TAFA2: variants seen among roughly 807,000 people sequenced by gnomAD.
TAFA2 encodes TAFA chemokine like family member 2.
A neutral mutation model predicts 18.8 loss-of-function variants in TAFA2; 7 were observed. The observed-to-expected ratio is 0.37, with a 90% CI of 0.21 to 0.70. The LOEUF (loss-of-function observed/expected upper bound fraction) is 0.70, where lower values mean the gene tolerates loss of function less well. Ranked by LOEUF, TAFA2 falls within the 30% of genes least tolerant of loss-of-function variation. The probability of loss-of-function intolerance (pLI) is 0.53; values close to 1 mark genes in which losing one functional copy is unlikely to be tolerated. For synonymous variants in TAFA2, 60 were observed against 54.2 expected, an observed-to-expected ratio of 1.11 and a Z score of -0.47; for missense variants, 122 against 158.1, an observed-to-expected ratio of 0.77 and a Z score of 1.23.
chr12:61,752,266 G>C (rs1387333207), intron 4 of TAFA2, among the ~76,000 whole-genome samples: 2 of 151,968 alleles, frequency 1.3e-5, no homozygotes, highest in African/African-American at 4.8e-5. Flanking sequence ...ATAAATAATA[G>C]CTTCCCCTTG....
chr12:61,726,248 T>G (rs1421501755), intron 4 of TAFA2, among the ~76,000 whole-genome samples: 2 of 151,872 alleles, frequency 1.3e-5, no homozygotes, highest in Non-Finnish European at 2.9e-5. Context: ...AATTTTAGGA[T>G]TTTTTTCTTC....
intron 2 of TAFA2, among the ~76,000 whole-genome samples, chr12:61,819,804 A>T (rs1281147629): frequency 1.3e-5 from 2 of 152,092 alleles, no homozygotes; most frequent in African/African-American, 4.8e-5. Context: ...GAATATGACA[A>T]ATGTCCTGGA....
At chr12:61,898,000 A>T (rs1875929117) in intron 1 of TAFA2, among the ~76,000 whole-genome samples, 1 of 152,252 alleles carries the variant, frequency 6.6e-6, no homozygotes, top group South Asian at 2.1e-4. Flanking sequence ...CAAATGGGAG[A>T]AATTGTCCAA....
At chr12:62,142,060 A>G (rs1262297843) in intron 1 of TAFA2, among the ~76,000 whole-genome samples, 1 of 152,178 alleles carries the variant, frequency 6.6e-6, no homozygotes, top group Non-Finnish European at 1.5e-5. Context: ...TTATGTTCAT[A>G]TGTGCTAGCT....
At chr12:61,772,761 C>T (rs1235814487) in intron 2 of TAFA2, among the ~76,000 whole-genome samples, 6 of 151,456 alleles carry the variant, frequency 4.0e-5, no homozygotes, top group Non-Finnish European at 5.9e-5. Flanking sequence ...TTATACTGAA[C>T]GGGGAAAAGT....
chr12:61,758,381 T>C (rs1295122018), intron 2 of TAFA2, among the ~76,000 whole-genome samples: 3 of 151,656 alleles, frequency 2.0e-5, no homozygotes, highest in East Asian at 3.9e-4. Flanking sequence ...GGAGAGAAAA[T>C]AGATCATTAA....
At chr12:62,234,791 C>A in intron 1 of TAFA2, 1 of 1,039,852 alleles carries the variant, frequency 9.6e-7, no homozygotes, top group Non-Finnish European at 1.5e-6. Flanking sequence ...TGGGATGCTC[C>A]GGTAGGAATG....
intron 1 of TAFA2, among the ~76,000 whole-genome samples, chr12:61,905,845 A>G (rs1329363484): frequency 6.6e-6 from 1 of 152,114 alleles, no homozygotes; most frequent in Non-Finnish European, 1.5e-5. Context: ...GCCTTTGACA[A>G]CTCTTGATTG....
chr12:61,986,404 T>A (rs1464181786), intron 1 of TAFA2, among the ~76,000 whole-genome samples: 3 of 151,862 alleles, frequency 2.0e-5, no homozygotes, highest in Non-Finnish European at 4.4e-5. Context: ...CCTCAAGTGA[T>A]CTGCCTGCCT....
At chr12:62,021,948 C>T in intron 1 of TAFA2, 2 of 714,326 alleles carry the variant, frequency 2.8e-6, no homozygotes, top group Admixed American at 3.5e-5. Flanking sequence ...CATGGCAGGC[C>T]CTCCTCACAG....
intron 2 of TAFA2, among the ~76,000 whole-genome samples, chr12:61,769,845 A>T (rs1209853518): frequency 6.6e-6 from 1 of 152,136 alleles, no homozygotes; most frequent in Non-Finnish European, 1.5e-5. Context: ...TAGCACCCCC[A>T]AAAGATCACA....
In TAFA2 at chr12:62,202,910, C is replaced by G. The variant is rs370967457; in HGVS notation, c.-130+55853G>C. Among the ~76,000 whole-genome samples, 5 of 147,434 alleles carry G rather than the reference C, an allele frequency of 3.4e-5. No individual in the cohort carries two copies. The East Asian group carries it at 8.4e-4, about 25-fold the overall frequency. Reference sequence around the variant, plus strand: ...TGGTGCAATCGCAGCTCACTGCAACCTCCACCCCCTGGCTCAAGTAATTCT... The same window carrying G: ...TGGTGCAATCGCAGCTCACTGCAACGTCCACCCCCTGGCTCAAGTAATTCT... On this transcript the variant is annotated intron_variant, in intron 1 of 5. Coordinates refer to the TAFA2 transcript ENST00000551619.
At chr12:61,909,583 T>C (rs1876513452) in intron 1 of TAFA2, among the ~76,000 whole-genome samples, 1 of 151,622 alleles carries the variant, frequency 6.6e-6, no homozygotes, top group Non-Finnish European at 1.5e-5. Flanking sequence ...GCTAGGAGAG[T>C]GTAAGGATAA....
At chr12:62,141,343 T>G (rs1186982493) in intron 1 of TAFA2, among the ~76,000 whole-genome samples, 1 of 152,168 alleles carries the variant, frequency 6.6e-6, no homozygotes, top group Non-Finnish European at 1.5e-5. Flanking sequence ...TGAACAGCTT[T>G]GCTTTTCTCT....
intron 1 of TAFA2, among the ~76,000 whole-genome samples, chr12:61,971,744 G>A (rs1879257667): frequency 6.6e-6 from 1 of 150,634 alleles, no homozygotes; most frequent in Non-Finnish European, 1.5e-5. Context: ...GCTGGGGGAG[G>A]GATAGTGTTA....
intron 1 of TAFA2, among the ~76,000 whole-genome samples, chr12:61,909,688 G>A (rs1234817367): frequency 6.6e-6 from 1 of 152,132 alleles, no homozygotes; most frequent in African/African-American, 2.4e-5. Context: ...CTCACTAAAT[G>A]TTTCTAGAAT....
In TAFA2 at chr12:62,085,318, G is replaced by T. The variant is rs536633751; in HGVS notation, c.-2+105941C>A. Reference sequence around the variant, plus strand: ...AAGAACTGTTTTCAATGTTATATTTGTGTTATGTTATGTTTTATCCCAAGC... The same window carrying T: ...AAGAACTGTTTTCAATGTTATATTTTTGTTATGTTATGTTTTATCCCAAGC... On this transcript the variant is annotated intron_variant, in intron 1 of 4. Coordinates refer to ENST00000416284, the MANE Select transcript of TAFA2 (RefSeq NM_178539.5). Among the ~76,000 whole-genome samples the T allele has an allele frequency of 2.6e-5, 4 of 152,160 alleles. No individual in the cohort carries two copies. The South Asian group carries it at 8.3e-4, about 32-fold the overall frequency.
At chr12:61,720,815 T>G (rs1296123427) in intron 4 of TAFA2, 1 of 468,030 alleles carries the variant, frequency 2.1e-6, no homozygotes, top group Non-Finnish European at 4.3e-6. Flanking sequence ...TGCTCCAACA[T>G]GGAGCCAAAA....
chr12:62,256,331 G>A (rs1232296057), intron 1 of TAFA2, among the ~76,000 whole-genome samples: 13 of 151,798 alleles, frequency 8.6e-5, no homozygotes, highest in Admixed American at 7.9e-4. Flanking sequence ...TTATGCCCAT[G>A]CTAAAATTAA....
Sources: gnomAD v4.1 joint callset for allele counts (sites outside exome capture counted in the v4.1 genomes callset) on GRCh38, gnomAD v4.1.1 for gene constraint, MANE v1.5 for transcripts, NCBI Gene and HGNC (gene_info 2026-07-23, HGNC 2026-07-21) for gene names.